The following SV2B variants were observed in gnomAD, a reference collection of about 807,000 sequenced individuals.
SV2B encodes the protein synaptic vesicle glycoprotein 2B.
A neutral mutation model predicts 73.9 loss-of-function variants in SV2B; 41 were observed. The ratio of observed to expected loss-of-function variants is 0.56; its 90% CI spans 0.43 to 0.72. The LOEUF is 0.72. Among genes scored for constraint, SV2B ranks in the 30% least tolerant of loss-of-function variants. The pLI, the probability that SV2B is intolerant of heterozygous loss-of-function variation, is 0.00. For missense variants in SV2B, 764 were observed against 857.8 expected, an observed-to-expected ratio of 0.89 and a Z score of 1.37; for synonymous variants, 314 against 314.2, an observed-to-expected ratio of 1.00 and a Z score of 0.01.
chr15:91,180,236 G>C (rs1233804344), intron 1 of SV2B, among the ~76,000 whole-genome samples: 3 of 152,122 alleles, frequency 2.0e-5, no homozygotes, highest in Non-Finnish European at 4.4e-5. Context: ...CTCTCTTCTG[G>C]CTTGTAGAGT....
chr15:91,212,960 G>A lies in SV2B; in HGVS notation c.-391-12913G>A, dbSNP rs377641005. On this transcript the variant is annotated intron_variant, in intron 1 of 12. Coordinates refer to ENST00000394232, the MANE Select transcript of SV2B (RefSeq NM_001323032.3). The stretch of plus-strand genomic sequence containing the variant: ...GTTTGAGACCAGCCTGGCCAACATG[G>A]TGAAACCCTGTCTCTACTAAAAAAA... Among the ~76,000 whole-genome samples the A allele has an allele frequency of 4.0e-4, 60 of 149,428 alleles. 1 individual carries two copies. In the South Asian group the frequency reaches 0.013, roughly 31 times the overall value.
At chr15:91,099,763 T>C (rs1295591229), upstream of SV2B, among the ~76,000 whole-genome samples, 1 of 152,126 alleles carries the variant, frequency 6.6e-6, no homozygotes, top group Non-Finnish European at 1.5e-5. Context: ...CGACGATACT[T>C]TGGGGGCGGC....
intron 2 of SV2B, among the ~76,000 whole-genome samples, chr15:91,249,633 A>G (rs1369674373): frequency 1.3e-5 from 2 of 152,244 alleles, no homozygotes; most frequent in African/African-American, 4.8e-5. Context: ...AGCTAGACTA[A>G]GGAAAAAAGA....
At position 91,267,164 on chromosome 15, in the gene SV2B, C is replaced by T. The variant is rs1038676873; in HGVS notation, c.1120-391C>T. Among the ~76,000 whole-genome samples the T allele has an allele frequency of 6.6e-6, 1 of 152,180 alleles. No homozygotes were observed. Among genetic ancestry groups the T allele is most frequent in the African/African-American group, 2.4e-5 (1 of 41,460 alleles). On this transcript the variant is annotated intron_variant, in intron 7 of 12. Coordinates refer to ENST00000394232, the MANE Select transcript of SV2B (RefSeq NM_001323032.3). This position sits in a 1 kb window ranked among gnomAD's most constrained non-coding sequence, Gnocchi z 4.3. ...AGCACTGAGGCAGCCAGACAGCCAG[C>T]GTCTATTGGGACTGGTTGGCCTTCA... is the stretch of plus-strand genomic sequence containing the variant.
At chr15:91,271,346 G>C (rs1010466183) in intron 9 of SV2B, among the ~76,000 whole-genome samples, 1 of 152,148 alleles carries the variant, frequency 6.6e-6, no homozygotes, top group Non-Finnish European at 1.5e-5. Flanking sequence ...AATATTGATA[G>C]TAGTGACAAT....
intron 9 of SV2B, among the ~76,000 whole-genome samples, chr15:91,270,606 T>C (rs2048259776): frequency 1.3e-5 from 2 of 152,246 alleles, no homozygotes; most frequent in South Asian, 4.1e-4. Flanking sequence ...CGCAGAGTCC[T>C]TGTGATTTGT....
chr15:91,127,335 T>A (rs1253831434), intron 1 of SV2B, among the ~76,000 whole-genome samples: 1 of 152,004 alleles, frequency 6.6e-6, no homozygotes, highest in Non-Finnish European at 1.5e-5. Context: ...ATACTCTAAT[T>A]AACGGGCAGA....
At chr15:91,147,704 T>G (rs1412143688) in intron 1 of SV2B, among the ~76,000 whole-genome samples, 1 of 152,148 alleles carries the variant, frequency 6.6e-6, no homozygotes, top group Non-Finnish European at 1.5e-5. Flanking sequence ...ATATCAAACA[T>G]GCAAGACTCA....
Position 91,295,134 on chromosome 15 carries a change from C to G in SV2B, c.*2582C>G, listed in dbSNP as rs867896363. On this transcript the variant is annotated 3_prime_UTR_variant, in exon 13 of 13. Coordinates refer to ENST00000394232, the MANE Select transcript of SV2B (RefSeq NM_001323032.3). Reference sequence around the variant, plus strand: ...TGGAGGGTTAAAGGGATGAGGCTTTCCTTTGTTTAGCAAATCTGTTCACAG... The same window carrying G: ...TGGAGGGTTAAAGGGATGAGGCTTTGCTTTGTTTAGCAAATCTGTTCACAG... 1 of 152,568 alleles carries G rather than the reference C, an allele frequency of 6.6e-6. No homozygotes were observed. The highest frequency in any genetic ancestry group is 2.4e-5 in the African/African-American group (1 of 41,448). 9.5% of individuals were successfully genotyped at this position (152,568 alleles called of 1,614,324 possible).
At chr15:91,131,319 TAAAACTAAGC>T (rs2042640966) in intron 1 of SV2B, among the ~76,000 whole-genome samples, 2 of 150,614 alleles carry the variant, frequency 1.3e-5, no homozygotes, top group African/African-American at 4.9e-5. Flanking sequence ...TCACGGGGAA[TAAAACTAAGC>T]ACAACTAGGG....
At position 91,253,426 on chromosome 15, in the gene SV2B, G is replaced by A. The variant is rs1327478229; in HGVS notation, c.784+906G>A. 6.6e-6 allele frequency among the ~76,000 whole-genome samples: 1 copy of A among 152,146 alleles called. No homozygotes were observed. The highest frequency in any genetic ancestry group is 1.5e-5 in the Non-Finnish European group (1 of 68,034). ...TGCTGTGCTTTCTCAGCTAATGGAG[G>A]CTGCATGTATATGTTTTTAAGAACA... On this transcript the variant is annotated intron_variant, in intron 4 of 12. Transcript: ENST00000394232. This position sits in a 1 kb window ranked among gnomAD's most constrained non-coding sequence, Gnocchi z 5.0.
At position 91,137,592 on chromosome 15, in the gene SV2B, TATATATATATATTTC is replaced by T. The variant is rs1567282031; in HGVS notation, c.-392+37240_-392+37254del. Among the ~76,000 whole-genome samples the T allele has an allele frequency of 8.4e-4, 56 of 66,832 alleles. 1 individual carries two copies. The South Asian group carries it at 0.017, about 20-fold the overall frequency. 43.8% of individuals were successfully genotyped at this position (66,832 alleles called of 152,430 possible). ...GAAATATATATATATATATTTCTCA[TATATATATATATTTC>T]ATATATATATTTCATATATACATAT... On this transcript the variant is annotated intron_variant, in intron 1 of 12. Transcript: ENST00000394232. The surrounding 1 kb of genome is among the most constrained non-coding windows in gnomAD (Gnocchi z 4.9).
chr15:91,100,636 A>AAGT lies in SV2B; in HGVS notation c.-392+277_-392+279dup, dbSNP rs545729019. 6.6e-6 allele frequency among the ~76,000 whole-genome samples: 1 copy of AAGT among 152,340 alleles called. No homozygotes were observed. Among genetic ancestry groups the AAGT allele is most frequent in the Admixed American group, 6.5e-5 (1 of 15,310 alleles). On this transcript the variant is annotated intron_variant, in intron 1 of 12. Transcript: ENST00000394232. The surrounding 1 kb of genome is among the most constrained non-coding windows in gnomAD (Gnocchi z 6.4). ...ACCCTGTTTGAACTATTAGCGCCAT[A>AAGT]AGTAGTTTTGCAACTTATAAATGTC...
intron 1 of SV2B, among the ~76,000 whole-genome samples, chr15:91,185,232 G>C: frequency 6.6e-6 from 1 of 152,090 alleles, no homozygotes; most frequent in Non-Finnish European, 1.5e-5. Context: ...ACCACACCCA[G>C]CTAATCCAAT....
At chr15:91,195,684 C>T (rs1032795522) in intron 1 of SV2B, among the ~76,000 whole-genome samples, 4 of 152,248 alleles carry the variant, frequency 2.6e-5, no homozygotes, top group South Asian at 4.1e-4. Context: ...ATTTACTCAG[C>T]GTGTGATTTT....
At chr15:91,278,163 T>C (rs2048554577) in intron 9 of SV2B, among the ~76,000 whole-genome samples, 1 of 152,216 alleles carries the variant, frequency 6.6e-6, no homozygotes, top group East Asian at 1.9e-4. Flanking sequence ...TTTATTTCTT[T>C]CTTGGGGCTA....
At chr15:91,211,903 A>G (rs547085755) in intron 1 of SV2B, among the ~76,000 whole-genome samples, 1 of 151,504 alleles carries the variant, frequency 6.6e-6, no homozygotes, top group South Asian at 2.1e-4. Flanking sequence ...AGCCTCCCAA[A>G]GTGCAGGGAT....
rs1257329814 is a variant in SV2B at position 91,140,505 on chromosome 15, CCA to C, written c.-392+40148_-392+40149del. On this transcript the variant is annotated intron_variant, in intron 1 of 12. Transcript: ENST00000394232. This position sits in a 1 kb window ranked among gnomAD's most constrained non-coding sequence, Gnocchi z 4.4. Reference sequence around the variant, plus strand: ...CGTGGAGTTCCTCCAAATGAACTTCCCACACACTTCTGGCTGAAACTGGCCCC... The same window carrying C: ...CGTGGAGTTCCTCCAAATGAACTTCCCACACTTCTGGCTGAAACTGGCCCC... 6.6e-6 allele frequency among the ~76,000 whole-genome samples: 1 copy of C among 152,132 alleles called. No homozygotes were observed. The highest frequency in any genetic ancestry group is 2.4e-5 in the African/African-American group (1 of 41,428).
intron 1 of SV2B, among the ~76,000 whole-genome samples, chr15:91,156,169 A>G (rs938556673): frequency 6.6e-6 from 1 of 152,192 alleles, no homozygotes; most frequent in Non-Finnish European, 1.5e-5. Context: ...TTCAAGACCC[A>G]GGGACTTAAA....
Sources: gnomAD v4.1 joint callset for allele counts (sites outside exome capture counted in the v4.1 genomes callset) on GRCh38, gnomAD v4.1.1 for gene constraint, Gnocchi (gnomAD v3.1) non-coding constraint, MANE v1.5 for transcripts, NCBI Gene and HGNC (gene_info 2026-07-23, HGNC 2026-07-21) for gene names.